Variants in DDX42 observed in about 807,000 individuals in gnomAD.
DDX42 encodes the protein DEAD-box helicase 42.
In DDX42, 22 loss-of-function variants were observed where a neutral mutation model predicts 101.5. That is an observed-to-expected ratio of 0.22 (90% CI 0.15 to 0.31). DDX42 has a LOEUF of 0.31. DDX42 is among the 10% of genes least tolerant of loss of function. The pLI is 1.00. For synonymous variants in DDX42, 402 were observed against 401.2 expected, an observed-to-expected ratio of 1.00 and a Z score of -0.02; for missense variants, 849 against 1,199.9, an observed-to-expected ratio of 0.71 and a Z score of 4.32.
intron 3 of DDX42, among the ~76,000 whole-genome samples, chr17:63,793,881 A>C (rs2039659983): frequency 7.4e-6 from 1 of 135,622 alleles, no homozygotes; most frequent in Non-Finnish European, 1.6e-5. Context: ...TATATATATA[A>C]TTTTTTAACT....
At chr17:63,817,002 CAG>C (rs777760858) in intron 17 of DDX42, 36 bp downstream of exon 17, 1 of 1,582,206 alleles carries the variant, frequency 6.3e-7, no homozygotes, top group Middle Eastern at 1.7e-4. Context: ...GCACTTTCAG[CAG>C]TAACTCTTGG....
chr17:63,795,791 A>G (rs1037536462), intron 3 of DDX42, among the ~76,000 whole-genome samples: 1 of 152,226 alleles, frequency 6.6e-6, no homozygotes, highest in Non-Finnish European at 1.5e-5. Context: ...TGAATTTGCC[A>G]TCTTTGATTT....
intron 2 of DDX42, among the ~76,000 whole-genome samples, chr17:63,791,324 C>A (rs969495590): frequency 1.3e-5 from 2 of 151,928 alleles, no homozygotes; most frequent in African/African-American, 4.8e-5. Flanking sequence ...CTTTTTTCCT[C>A]GTTTTTTGAG....
At chr17:63,794,787 T>A (rs1390582192) in intron 3 of DDX42, among the ~76,000 whole-genome samples, 1 of 151,164 alleles carries the variant, frequency 6.6e-6, no homozygotes, top group East Asian at 2.0e-4. Flanking sequence ...ACAAAAAAAA[T>A]TAGCCAGGCA....
chr17:63,789,826 G>A (rs890249490), intron 2 of DDX42, among the ~76,000 whole-genome samples: 7 of 152,050 alleles, frequency 4.6e-5, no homozygotes, highest in Admixed American at 1.3e-4. Flanking sequence ...GCCTGCCTCG[G>A]CCTCCCAAAG....
intron 3 of DDX42, among the ~76,000 whole-genome samples, chr17:63,794,424 TC>T (rs1365374856): frequency 4.6e-5 from 7 of 151,904 alleles, no homozygotes; most frequent in Admixed American, 2.6e-4. Flanking sequence ...CTGCTGTAGT[TC>T]CAGCTACTTG....
In DDX42 at chr17:63,815,622, T is replaced by C; in HGVS notation, c.1962T>C (p.Gly654=). The C allele has an allele frequency of 6.2e-7, 1 of 1,613,980 alleles. No individual in the cohort carries two copies. Among genetic ancestry groups the C allele is most frequent in the Non-Finnish European group, 8.5e-7 (1 of 1,179,948 alleles). The stretch of plus-strand genomic sequence containing the variant: ...GGAAAGGAAAAAAGCTGAACATTGG[T>C]GGAGGAGGCCTAGGCTACAGGGAGC... ...KGGKGKKLNI[G]GGGLGYRERP... Residue 654 remains glycine, a synonymous_variant, in exon 16 of 18, where the codon GGT becomes GGC. Coordinates refer to ENST00000389924, the MANE Select transcript of DDX42 (RefSeq NM_203499.3).
At chr17:63,777,858 G>C (rs2039439713) in intron 1 of DDX42, among the ~76,000 whole-genome samples, 1 of 152,200 alleles carries the variant, frequency 6.6e-6, no homozygotes, top group African/African-American at 2.4e-5. Context: ...ATAGGAAAGA[G>C]ATTTGATGTG....
In DDX42 at chr17:63,808,969, A is replaced by C. The variant is rs1307171137; in HGVS notation, c.1152+21A>C. On this transcript the variant is annotated intron_variant, in intron 10 of 17. Transcript: ENST00000389924. ...CCCCAGTAAGTATGCCTTGTGTTTA[A>C]ATGGCTTCTCAGCCTCCCTCGGTAT... is the stretch of plus-strand genomic sequence containing the variant. The C allele has an allele frequency of 2.5e-6, 4 of 1,608,832 alleles. No homozygotes were observed. The Admixed American group carries it at 5.1e-5, about 20-fold the overall frequency.
intron 8 of DDX42, 74 bp from the exon 9 acceptor site, chr17:63,807,650 C>G: frequency 1.4e-6 from 2 of 1,380,164 alleles, no homozygotes; most frequent in Non-Finnish European, 2.0e-6. Flanking sequence ...AGTCATTTAT[C>G]ATTCCCCAGG....
At chr17:63,815,945 G>GC (rs2039972487) in intron 16 of DDX42, 1 of 191,838 alleles carries the variant, frequency 5.2e-6, no homozygotes, top group African/African-American at 2.3e-5. Flanking sequence ...TGGACCAGCA[G>GC]CACATGCAAA....
chr17:63,801,646 G>T (rs886351612), intron 6 of DDX42, among the ~76,000 whole-genome samples: 58 of 152,054 alleles, frequency 3.8e-4, no homozygotes, highest in African/African-American at 1.3e-3. Flanking sequence ...GTAGAGATGG[G>T]ATTTTACCAC....
rs369374729 is a variant in DDX42, at chr17:63,800,448, G to A, written c.472-20G>A. Reference sequence around the variant, plus strand: ...CTCAATTGTACTTGGGTGTGATTATGTTCTTGTGCTTTCCTGCAGGAAGCT... The same window carrying A: ...CTCAATTGTACTTGGGTGTGATTATATTCTTGTGCTTTCCTGCAGGAAGCT... On this transcript the variant is annotated intron_variant, in intron 5 of 17. Coordinates refer to ENST00000389924, the MANE Select transcript of DDX42 (RefSeq NM_203499.3). 39 of 1,611,294 alleles carry A rather than the reference G, an allele frequency of 2.4e-5. No homozygotes were observed. Among genetic ancestry groups the A allele is most frequent in the African/African-American group, 5.3e-5 (4 of 74,862 alleles).
chr17:63,792,691 C>T, intron 3 of DDX42, 129 bp downstream of exon 3: 1 of 1,002,196 alleles, frequency 1.0e-6, no homozygotes, highest in Admixed American at 3.3e-5. Flanking sequence ...AATTTTGCTC[C>T]AGTAGTCTAT....
intron 7 of DDX42, 122 bp from the exon 8 acceptor site, chr17:63,806,413 A>G (rs2039841168): frequency 8.9e-7 from 1 of 1,118,788 alleles, no homozygotes; most frequent in South Asian, 2.4e-5. Flanking sequence ...ATTTTGGCTT[A>G]CAGACTTGTA....
chr17:63,799,105 C>G (rs1410726224), intron 4 of DDX42, among the ~76,000 whole-genome samples: 1 of 152,188 alleles, frequency 6.6e-6, no homozygotes, highest in Non-Finnish European at 1.5e-5. Flanking sequence ...ATGTAGTTTT[C>G]ACTCTGTCCC....
At chr17:63,816,781 TC>T in intron 16 of DDX42, 86 bp from the exon 17 acceptor site, 1 of 968,416 alleles carries the variant, frequency 1.0e-6, no homozygotes, top group Admixed American at 3.1e-5. Context: ...AGCTCCCACT[TC>T]AAGGGTTTTC....
At position 63,811,235 on chromosome 17, in the gene DDX42, G is replaced by A. The variant is rs1431667080; in HGVS notation, c.1398+62G>A. The A allele has an allele frequency of 4.1e-6, 5 of 1,205,026 alleles. No individual in the cohort carries two copies. The Admixed American group carries it at 1.2e-4, about 28-fold the overall frequency. The allele number at this position is 1,205,026 out of a possible 1,614,324, so 74.6% of individuals were successfully genotyped here. A position where few individuals can be genotyped will look rare whatever the true frequency, so the allele number is the denominator to read the frequency against. ...TTTATTTCTCATATTATGGAACACA[G>A]AATTAATTTCTCACTATTGAGATAA... On this transcript the variant is annotated intron_variant, in intron 13 of 17. Transcript: ENST00000389924.
chr17:63,816,971 GA>G lies in DDX42; in HGVS notation c.2112+8del, dbSNP rs2039984043. On this transcript the variant is annotated splice_donor_region_variant and intron_variant, in intron 17 of 17. Coordinates refer to ENST00000389924, the MANE Select transcript of DDX42 (RefSeq NM_203499.3). ...GCAATGAAAGCAGCTTTCCAGGTCT[GA>G]AATAAGCATTTCATTAAAAGCACTT... The G allele has an allele frequency of 6.2e-7, 1 of 1,612,448 alleles. No homozygotes were observed. Among genetic ancestry groups the G allele is most frequent in the South Asian group, 1.1e-5 (1 of 90,854 alleles).
Sources: gnomAD v4.1 joint callset for allele counts (sites outside exome capture counted in the v4.1 genomes callset) on GRCh38, gnomAD v4.1.1 for gene constraint, MANE v1.5 for transcripts, NCBI Gene and HGNC (gene_info 2026-07-23, HGNC 2026-07-21) for gene names.